ARL13B: variants seen among roughly 807,000 people sequenced by gnomAD.
The protein encoded by ARL13B is ARF like GTPase 13B.
A neutral mutation model predicts 56.1 loss-of-function variants in ARL13B; 36 were observed. The observed-to-expected ratio is 0.64, with a 90% CI of 0.49 to 0.85. ARL13B has a LOEUF of 0.85. ARL13B is among the 40% of genes least tolerant of loss of function. The pLI is 0.00. For synonymous variants in ARL13B, 178 were observed against 171.1 expected, an observed-to-expected ratio of 1.04 and a Z score of -0.32; for missense variants, 519 against 507.1, an observed-to-expected ratio of 1.02 and a Z score of -0.23.
In ARL13B at chr3:94,053,718, T is replaced by C. The variant is rs1011818536; in HGVS notation, c.*455T>C. The C allele has an allele frequency of 3.2e-6, 1 of 308,978 alleles. No individual in the cohort carries two copies. The highest frequency in any genetic ancestry group is 6.3e-6 in the Non-Finnish European group (1 of 159,138). The allele number at this position is 308,978 out of a possible 1,614,324, so 19.1% of individuals were successfully genotyped here. Reference sequence around the variant, plus strand: ...AAATTTTAAAACTATTTTTATATTTTTTTAAATCTTTAAAAATTTTAATTA... The same window carrying C: ...AAATTTTAAAACTATTTTTATATTTCTTTAAATCTTTAAAAATTTTAATTA... On this transcript the variant is annotated 3_prime_UTR_variant, in exon 10 of 10. Transcript: ENST00000394222.
intron 6 of ARL13B, 72 bp downstream of exon 6, chr3:94,040,060 T>C: frequency 7.4e-7 from 1 of 1,352,300 alleles, no homozygotes; most frequent in Non-Finnish European, 1.0e-6. Flanking sequence ...AGGTGGAAAG[T>C]TGGGAAAGGA....
chr3:94,053,362 A>G lies in ARL13B; in HGVS notation c.*99A>G. 9.6e-7 allele frequency: 1 copy of G among 1,045,284 alleles called. No homozygotes were observed. The highest frequency in any genetic ancestry group is 1.5e-6 in the Non-Finnish European group (1 of 678,588). 64.8% of individuals were successfully genotyped at this position (1,045,284 alleles called of 1,614,324 possible). ...CATCTTGTAAATTGATGACTGGGGC[A>G]AGATAACCATAATAATTTTAGTGAG... On this transcript the variant is annotated 3_prime_UTR_variant, in exon 10 of 10. Coordinates refer to ENST00000394222, the MANE Select transcript of ARL13B (RefSeq NM_001174150.2).
intron 3 of ARL13B, among the ~76,000 whole-genome samples, chr3:94,007,211 A>G (rs777625411): frequency 1.4e-4 from 21 of 152,200 alleles, no homozygotes; most frequent in Non-Finnish European, 2.8e-4. Flanking sequence ...GCTTCATTTA[A>G]TAGAAGGAAA....
At chr3:93,991,871 G>T (rs559263400) in intron 1 of ARL13B, among the ~76,000 whole-genome samples, 3 of 151,124 alleles carry the variant, frequency 2.0e-5, no homozygotes, top group Non-Finnish European at 4.5e-5. Flanking sequence ...CTCCTTGTTA[G>T]TTATGTTTAT....
intron 3 of ARL13B, among the ~76,000 whole-genome samples, chr3:94,029,334 A>ATATATT (rs2076625062): frequency 7.5e-5 from 4 of 53,430 alleles, no homozygotes; most frequent in Non-Finnish European, 1.1e-4. Context: ...ATATATATAT[A>ATATATT]TTTATTTTTT....
At chr3:94,008,004 A>G (rs1289369148) in intron 3 of ARL13B, among the ~76,000 whole-genome samples, 1 of 152,180 alleles carries the variant, frequency 6.6e-6, no homozygotes, top group Non-Finnish European at 1.5e-5. Flanking sequence ...CTGATAAGTC[A>G]CTTTACTTCT....
At chr3:94,001,188 A>G (rs2076050459) in intron 2 of ARL13B, among the ~76,000 whole-genome samples, 1 of 152,208 alleles carries the variant, frequency 6.6e-6, no homozygotes, top group Non-Finnish European at 1.5e-5. Context: ...TTGTACCTGA[A>G]CATTTAGTCT....
intron 1 of ARL13B, 76 bp downstream of exon 1, chr3:93,980,558 T>A: frequency 6.4e-7 from 1 of 1,572,636 alleles, no homozygotes; most frequent in Non-Finnish European, 8.6e-7. Flanking sequence ...CGCCGCCTTT[T>A]CCCCGCGCCT....
chr3:93,987,638 C>T (rs1381155749), intron 1 of ARL13B, among the ~76,000 whole-genome samples: 5 of 151,798 alleles, frequency 3.3e-5, no homozygotes, highest in African/African-American at 4.8e-5. Context: ...TACCAAAAAT[C>T]TAGAAAACCT....
At chr3:94,044,858 G>T (rs999693144) in intron 7 of ARL13B, among the ~76,000 whole-genome samples, 26 of 151,316 alleles carry the variant, frequency 1.7e-4, no homozygotes, top group Admixed American at 1.1e-3. Context: ...GGGAAGTGAG[G>T]AGCGTCTCTG....
rs368308910 is a variant in ARL13B at position 93,995,774 on chromosome 3, G to A, written c.60-100G>A. On this transcript the variant is annotated intron_variant, in intron 1 of 9. Coordinates refer to ENST00000394222, the MANE Select transcript of ARL13B (RefSeq NM_001174150.2). The stretch of plus-strand genomic sequence containing the variant: ...CCAACAGATTTTCTTGTGCTTAATA[G>A]GTGCTCCTTAAATGTTGATTTAATT... 146 of 1,062,918 alleles carry A rather than the reference G, an allele frequency of 1.4e-4. No individual in the cohort carries two copies. The East Asian group carries it at 3.5e-3, about 26-fold the overall frequency. The allele number at this position is 1,062,918 out of a possible 1,614,324, so 65.8% of individuals were successfully genotyped here.
In ARL13B at chr3:93,995,858, T is replaced by C. The variant is rs2075957261; in HGVS notation, c.60-16T>C. On this transcript the variant is annotated splice_polypyrimidine_tract_variant and intron_variant, in intron 1 of 9. Transcript: ENST00000394222. The stretch of plus-strand genomic sequence containing the variant: ...ATTAACAAAGAAAGTGATTTTTAAA[T>C]TTCTATTATTTTAAGAAAGGTGACT... 6.9e-6 allele frequency: 11 copies of C among 1,598,040 alleles called. No homozygotes were observed. Among genetic ancestry groups the C allele is most frequent in the Non-Finnish European group, 9.4e-6 (11 of 1,170,222 alleles).
At chr3:94,015,034 A>C (rs761559027) in intron 3 of ARL13B, 17 of 1,614,074 alleles carry the variant, frequency 1.1e-5, no homozygotes, top group Non-Finnish European at 1.4e-5. Context: ...CATTGAAGCC[A>C]CCAGACTTTT....
chr3:94,004,007 G>A (rs572546439), intron 3 of ARL13B, 99 bp downstream of exon 3: 40 of 1,526,882 alleles, frequency 2.6e-5, no homozygotes, highest in East Asian at 6.8e-5. Flanking sequence ...AAATAGTCAC[G>A]CTTTAGTATA....
At chr3:94,045,368 T>A (rs181103317) in intron 7 of ARL13B, among the ~76,000 whole-genome samples, 2 of 151,508 alleles carry the variant, frequency 1.3e-5, no homozygotes, top group East Asian at 3.9e-4. Flanking sequence ...GTTTATCTGC[T>A]GACCTTCTCT....
At chr3:94,014,534 T>C in intron 3 of ARL13B, 1 of 1,612,954 alleles carries the variant, frequency 6.2e-7, no homozygotes, top group Non-Finnish European at 8.5e-7. Flanking sequence ...TTGTTGATGC[T>C]CTCTCCTTGT....
At chr3:94,009,334 T>G (rs2076185799) in intron 3 of ARL13B, among the ~76,000 whole-genome samples, 1 of 149,082 alleles carries the variant, frequency 6.7e-6, no homozygotes, top group South Asian at 2.1e-4. Flanking sequence ...ATTTTTTTTG[T>G]TTGTTTCCAA....
chr3:94,015,500 C>G lies in ARL13B; in HGVS notation c.380+11592C>G, dbSNP rs189360223. Among the ~76,000 whole-genome samples, 33 of 152,162 alleles carry G rather than the reference C, an allele frequency of 2.2e-4. No individual in the cohort carries two copies. In the South Asian group the frequency reaches 2.3e-3, roughly 11 times the overall value. On this transcript the variant is annotated intron_variant, in intron 3 of 9. Transcript: ENST00000394222. Reference sequence around the variant, plus strand: ...TTGTAAGTTACTTTGCATGTGAGTGCTATTTAGTTGTGTGCAATAGCTGAG... The same window carrying G: ...TTGTAAGTTACTTTGCATGTGAGTGGTATTTAGTTGTGTGCAATAGCTGAG...
At chr3:94,032,255 T>C (rs2076689064) in intron 3 of ARL13B, among the ~76,000 whole-genome samples, 1 of 152,100 alleles carries the variant, frequency 6.6e-6, no homozygotes, top group Admixed American at 6.5e-5. Flanking sequence ...TGAATAGTCA[T>C]TTTTCAAAAG....
Sources: allele counts gnomAD v4.1 joint callset (sites outside exome capture counted in the v4.1 genomes callset), GRCh38; gene constraint gnomAD v4.1.1; transcripts MANE v1.5; gene names NCBI Gene and HGNC (gene_info 2026-07-23, HGNC 2026-07-21).